Variants in EYS observed in about 807,000 individuals in gnomAD.
EYS encodes the protein EGF-like photoreceptor maintenance factor.
In EYS, 250 loss-of-function variants were observed where a neutral mutation model predicts 282.1. The observed-to-expected ratio is 0.89, with a 90% CI of 0.80 to 0.98. The LOEUF is 0.98. Among genes scored for constraint, EYS ranks in the 50% least tolerant of loss-of-function variants. The pLI is 0.00. For missense variants in EYS, 4,016 were observed against 3,709.0 expected (o/e 1.08, Z -2.15); for synonymous variants, 1,355 against 1,282.9 (o/e 1.06, Z -1.20).
chr6:63,890,278 A>T (rs933176174), intron 35 of EYS, among the ~76,000 whole-genome samples: 1 of 152,214 alleles, frequency 6.6e-6, no homozygotes, highest in African/African-American at 2.4e-5. Flanking sequence ...TCTCCACCCT[A>T]AATCAACACA....
intron 29 of EYS, among the ~76,000 whole-genome samples, chr6:64,352,608 T>A (rs543376050): frequency 2.0e-5 from 3 of 151,630 alleles, no homozygotes; most frequent in Admixed American, 1.3e-4. Flanking sequence ...ATATAGCAAG[T>A]CCTTAATAAA....
intron 21 of EYS, among the ~76,000 whole-genome samples, chr6:64,814,274 T>A (rs1764682853): frequency 6.6e-6 from 1 of 152,058 alleles, no homozygotes; most frequent in African/African-American, 2.4e-5. Flanking sequence ...AAATTTCTCA[T>A]AGTTTTACTT....
At chr6:65,098,926 T>C (rs182188800) in intron 12 of EYS, among the ~76,000 whole-genome samples, 1 of 150,772 alleles carries the variant, frequency 6.6e-6, no homozygotes, top group Non-Finnish European at 1.5e-5. Flanking sequence ...TTTTCATATA[T>C]GCAAAGAATA....
chr6:65,589,974 C>T (rs1483828487), intron 2 of EYS, among the ~76,000 whole-genome samples: 1 of 151,854 alleles, frequency 6.6e-6, no homozygotes, highest in Non-Finnish European at 1.5e-5. Context: ...TTTAAAAAAT[C>T]ATATGCTGAA....
intron 12 of EYS, among the ~76,000 whole-genome samples, chr6:65,138,404 A>G (rs1180342416): frequency 6.6e-6 from 1 of 152,110 alleles, no homozygotes; most frequent in Admixed American, 6.6e-5. Context: ...TATTTGGAAC[A>G]CAGTAGTAAA....
At chr6:64,781,029 T>C (rs776990208) in intron 22 of EYS, among the ~76,000 whole-genome samples, 1 of 152,198 alleles carries the variant, frequency 6.6e-6, no homozygotes, top group African/African-American at 2.4e-5. Context: ...ATCGATTCTA[T>C]TGATTCTAGG....
intron 22 of EYS, among the ~76,000 whole-genome samples, chr6:64,795,235 CAA>C (rs112160251): frequency 1.2e-3 from 164 of 136,632 alleles, no homozygotes; most frequent in Admixed American, 4.1e-3. Context: ...AACTCCGTCT[CAA>C]AAAAAAAAAA....
In EYS at chr6:64,443,654, T is replaced by C. The variant is rs150714481; in HGVS notation, c.5645-4302A>G. Among the ~76,000 whole-genome samples, 1,315 of 152,224 alleles carry C rather than the reference T, an allele frequency of 8.6e-3. 27 individuals are homozygous for C. Among genetic ancestry groups the C allele is most frequent in the African/African-American group, 0.029 (1,205 of 41,542 alleles). ...TGTTCTTGTGATTATGAATGGTTCT[T>C]CCAAGATCTGATAGTTTTAAAAACA... On this transcript the variant is annotated intron_variant, in intron 26 of 42. Coordinates refer to ENST00000503581, the MANE Select transcript of EYS (RefSeq NM_001142800.2).
At chr6:65,176,831 A>G (rs1378449331) in intron 12 of EYS, among the ~76,000 whole-genome samples, 1 of 151,756 alleles carries the variant, frequency 6.6e-6, no homozygotes, top group African/African-American at 2.4e-5. Flanking sequence ...TATTTGCATT[A>G]AGTTGCAGTA....
At chr6:65,029,460 C>T (rs1483955727) in intron 13 of EYS, among the ~76,000 whole-genome samples, 2 of 151,982 alleles carry the variant, frequency 1.3e-5, no homozygotes, top group African/African-American at 4.8e-5. Context: ...AAACCATTGA[C>T]CCTTGAACAG....
At chr6:64,756,682 C>T (rs369168163) in intron 22 of EYS, among the ~76,000 whole-genome samples, 28 of 152,250 alleles carry the variant, frequency 1.8e-4, no homozygotes, top group African/African-American at 6.5e-4. Context: ...AAAACCACTA[C>T]AGAGTGTCCT....
chr6:63,846,346 C>T (rs1185370087), intron 36 of EYS, among the ~76,000 whole-genome samples: 1 of 152,092 alleles, frequency 6.6e-6, no homozygotes, highest in Non-Finnish European at 1.5e-5. Flanking sequence ...GACAGGGATA[C>T]ACTCCAACAA....
chr6:65,501,457 A>G (rs1030353138), intron 2 of EYS, among the ~76,000 whole-genome samples: 1 of 151,918 alleles, frequency 6.6e-6, no homozygotes, highest in Non-Finnish European at 1.5e-5. Context: ...ATAAGGAAAA[A>G]CTACATTTAA....
intron 12 of EYS, among the ~76,000 whole-genome samples, chr6:65,169,907 G>C (rs1013560862): frequency 6.6e-6 from 1 of 151,398 alleles, no homozygotes; most frequent in Admixed American, 6.6e-5. Context: ...AACACACTAA[G>C]CTCTAGCACT....
At chr6:65,166,413 C>G (rs1305405314) in intron 12 of EYS, among the ~76,000 whole-genome samples, 1 of 151,070 alleles carries the variant, frequency 6.6e-6, no homozygotes, top group Non-Finnish European at 1.5e-5. Context: ...AATTGTGAAT[C>G]CAGTTATATT....
At chr6:64,781,079 G>C (rs1196090479) in intron 22 of EYS, among the ~76,000 whole-genome samples, 1 of 151,930 alleles carries the variant, frequency 6.6e-6, no homozygotes, top group African/African-American at 2.4e-5. Context: ...TAGAATCCTT[G>C]TCTGTCACAG....
At chr6:64,894,410 C>A (rs1767388847) in intron 18 of EYS, among the ~76,000 whole-genome samples, 1 of 152,114 alleles carries the variant, frequency 6.6e-6, no homozygotes, top group African/African-American at 2.4e-5. Flanking sequence ...TCACAGATAT[C>A]TATGGCAGAG....
intron 22 of EYS, among the ~76,000 whole-genome samples, chr6:64,797,152 G>T (rs1477425606): frequency 6.6e-6 from 1 of 152,100 alleles, no homozygotes; most frequent in Admixed American, 6.6e-5. Context: ...TGTGACATAT[G>T]CTATGCAGAG....
At chr6:64,349,661 T>C (rs1473155274) in intron 29 of EYS, among the ~76,000 whole-genome samples, 1 of 151,328 alleles carries the variant, frequency 6.6e-6, no homozygotes, top group Non-Finnish European at 1.5e-5. Context: ...ATTTAAAGTG[T>C]TTTTAGTTTT....
Sources: gnomAD v4.1 joint callset for allele counts (sites outside exome capture counted in the v4.1 genomes callset) on GRCh38, gnomAD v4.1.1 for gene constraint, MANE v1.5 for transcripts, NCBI Gene and HGNC (gene_info 2026-07-23, HGNC 2026-07-21) for gene names.